THSD4: variants seen among roughly 807,000 people sequenced by gnomAD.
THSD4 encodes thrombospondin type-1 domain-containing protein 4.
In THSD4, 69 loss-of-function variants were observed where a neutral mutation model predicts 119.0. The ratio of observed to expected loss-of-function variants is 0.58; its 90% CI spans 0.48 to 0.71. The LOEUF (loss-of-function observed/expected upper bound fraction) is 0.71. Ranked by LOEUF, THSD4 falls within the 30% of genes least tolerant of loss-of-function variation. The pLI is 0.00. For missense variants in THSD4, 1,393 were observed against 1,391.1 expected (o/e 1.00, Z -0.02); for synonymous variants, 524 against 540.4 (o/e 0.97, Z 0.42).
At chr15:71,173,818 G>A (rs189988072) in intron 3 of THSD4, among the ~76,000 whole-genome samples, 39 of 152,168 alleles carry the variant, frequency 2.6e-4, no homozygotes, top group African/African-American at 9.2e-4. Context: ...CAGCCATGGA[G>A]ACCAATGGAA....
chr15:71,156,358 A>G (rs1255663632), intron 3 of THSD4, among the ~76,000 whole-genome samples: 1 of 151,852 alleles, frequency 6.6e-6, no homozygotes, highest in African/African-American at 2.4e-5. Flanking sequence ...CCTGGGTTCA[A>G]GTGATTCTTC....
intron 6 of THSD4, among the ~76,000 whole-genome samples, chr15:71,266,789 C>T (rs996845835): frequency 6.6e-6 from 1 of 151,732 alleles, no homozygotes; most frequent in Non-Finnish European, 1.5e-5. Flanking sequence ...AGCTGAAAAC[C>T]ACAGCACAAG....
chr15:71,116,052 G>A (rs1472637580), intron 1 of THSD4, among the ~76,000 whole-genome samples: 1 of 152,240 alleles, frequency 6.6e-6, no homozygotes, highest in Non-Finnish European at 1.5e-5. Context: ...TGCTCCCCGG[G>A]TCGGGTCGGA....
intron 7 of THSD4, among the ~76,000 whole-genome samples, chr15:71,586,906 T>C (rs2049682052): frequency 6.6e-6 from 1 of 152,240 alleles, no homozygotes; most frequent in Non-Finnish European, 1.5e-5. Context: ...TAGTCAGTGC[T>C]AGGCCCTATG....
At chr15:71,297,481 A>C (rs1304620805) in intron 6 of THSD4, among the ~76,000 whole-genome samples, 1 of 152,084 alleles carries the variant, frequency 6.6e-6, no homozygotes, top group Non-Finnish European at 1.5e-5. Context: ...GATTACAGGC[A>C]CGTGCCCCCA....
intron 8 of THSD4, among the ~76,000 whole-genome samples, chr15:71,721,091 G>T (rs1203892785): frequency 6.6e-6 from 1 of 152,222 alleles, no homozygotes; most frequent in Non-Finnish European, 1.5e-5. Context: ...TTATGGCCAG[G>T]CATGGTGGCT....
chr15:71,411,834 C>T lies in THSD4; in HGVS notation c.1152+11C>T, dbSNP rs764280657. On this transcript the variant is annotated intron_variant, in intron 7 of 17. Coordinates refer to ENST00000261862, the MANE Select transcript of THSD4 (RefSeq NM_024817.3). ...TCTGGGCAGTGCAAGGTAAGTGCCC[C>T]CGAACTGGGGTGAATTCTTAAGGTG... is the stretch of plus-strand genomic sequence containing the variant. The T allele has an allele frequency of 4.3e-6, 7 of 1,613,660 alleles. 1 individual carries two copies. In the South Asian group the frequency reaches 7.7e-5, roughly 18 times the overall value.
At chr15:71,703,311 A>C (rs1252193296) in intron 8 of THSD4, among the ~76,000 whole-genome samples, 1 of 152,152 alleles carries the variant, frequency 6.6e-6, no homozygotes, top group Non-Finnish European at 1.5e-5. Context: ...CATCATGTAG[A>C]CCCAGAAATC....
At chr15:71,367,400 G>A (rs533526367) in intron 6 of THSD4, among the ~76,000 whole-genome samples, 5 of 152,082 alleles carry the variant, frequency 3.3e-5, no homozygotes, top group African/African-American at 9.7e-5. Context: ...ACATTAACTC[G>A]TCATTTACAT....
chr15:71,762,304 C>T (rs942892129), intron 15 of THSD4, among the ~76,000 whole-genome samples: 3 of 152,230 alleles, frequency 2.0e-5, no homozygotes, highest in Non-Finnish European at 1.5e-5. Context: ...TACACAATCT[C>T]TTCAAGGACT....
At chr15:71,555,343 TATATAAG>T (rs1314724735) in intron 7 of THSD4, among the ~76,000 whole-genome samples, 3 of 152,240 alleles carry the variant, frequency 2.0e-5, no homozygotes, top group African/African-American at 4.8e-5. Context: ...TTTTTACTGA[TATATAAG>T]ATATAAAATG....
At chr15:71,130,407 G>A (rs1412578031) in intron 1 of THSD4, among the ~76,000 whole-genome samples, 9 of 151,982 alleles carry the variant, frequency 5.9e-5, no homozygotes, top group African/African-American at 7.3e-5. Flanking sequence ...GGCTGCTCTC[G>A]AACTCCTGAG....
intron 7 of THSD4, among the ~76,000 whole-genome samples, chr15:71,636,187 C>T (rs1341927781): frequency 6.6e-6 from 1 of 152,064 alleles, no homozygotes; most frequent in African/African-American, 2.4e-5. Context: ...TTTGGGAGGC[C>T]GAGGCGGGTG....
Position 71,782,221 on chromosome 15 carries a change from A to T in THSD4, c.*4847A>T, listed in dbSNP as rs59924069. 6.7e-6 allele frequency: 1 copy of T among 150,344 alleles called. No homozygotes were observed. The highest frequency in any genetic ancestry group is 1.5e-5 in the Non-Finnish European group (1 of 67,524). The allele number at this position is 150,344 out of a possible 1,614,324, so 9.3% of individuals were successfully genotyped here. A position where few individuals can be genotyped will look rare whatever the true frequency, so the allele number is the denominator to read the frequency against. ...CTCCCTGCACCCTGAACCACCCCCC[A>T]TTCCTGTTCATTTCAGCAGATAATG... is the stretch of plus-strand genomic sequence containing the variant. On this transcript the variant is annotated 3_prime_UTR_variant, in exon 18 of 18. Coordinates refer to ENST00000261862, the MANE Select transcript of THSD4 (RefSeq NM_024817.3).
At chr15:71,698,651 GAAAT>G (rs1436133980) in intron 8 of THSD4, among the ~76,000 whole-genome samples, 3 of 132,406 alleles carry the variant, frequency 2.3e-5, no homozygotes, top group African/African-American at 9.2e-5. Flanking sequence ...ATATATACAT[GAAAT>G]ATATACATGC....
intron 3 of THSD4, among the ~76,000 whole-genome samples, chr15:71,164,366 CTTTT>C (rs878855643): frequency 7.8e-6 from 1 of 127,544 alleles, no homozygotes; most frequent in Admixed American, 7.6e-5. Flanking sequence ...ACAGCTGCAA[CTTTT>C]TTTTTTTTTT....
Position 71,307,444 on chromosome 15 carries a change from C to A in THSD4, c.1015+50729C>A, listed in dbSNP as rs1205046237. On this transcript the variant is annotated intron_variant, in intron 6 of 17. Transcript: ENST00000261862. ...AAGGGCCCTCAAGATCATCCTCAGC[C>A]TTGATGATTTGCTAAAAGAAATCAC... Among the ~76,000 whole-genome samples, 3 of 152,158 alleles carry A rather than the reference C, an allele frequency of 2.0e-5. No homozygotes were observed. In the East Asian group the frequency reaches 5.8e-4, roughly 29 times the overall value.
At position 71,705,456 on chromosome 15, in the gene THSD4, G is replaced by A. The variant is rs74744688; in HGVS notation, c.1358-23093G>A. ...GGAGGGAAGTGTCTCCTCTAACCCC[G>A]AGCAGCTTATCCAGGACATTCTTCT... On this transcript the variant is annotated intron_variant, in intron 8 of 17. Transcript: ENST00000261862. Among the ~76,000 whole-genome samples, 18 of 152,194 alleles carry A rather than the reference G, an allele frequency of 1.2e-4. No homozygotes were observed. The East Asian group carries it at 2.1e-3, about 18-fold the overall frequency.
intron 7 of THSD4, among the ~76,000 whole-genome samples, chr15:71,507,259 T>A (rs1184259932): frequency 6.6e-6 from 1 of 152,150 alleles, no homozygotes; most frequent in East Asian, 1.9e-4. Flanking sequence ...ACTTTTTTGA[T>A]GTTGTATGTT....
Sources: gnomAD v4.1 joint callset for allele counts (sites outside exome capture counted in the v4.1 genomes callset) on GRCh38, gnomAD v4.1.1 for gene constraint, MANE v1.5 for transcripts, NCBI Gene and HGNC (gene_info 2026-07-23, HGNC 2026-07-21) for gene names.